Variants in ATXN7L1 observed in about 807,000 individuals in gnomAD.
ATXN7L1 encodes ataxin-7-like protein 1.
A neutral mutation model predicts 70.8 loss-of-function variants in ATXN7L1; 15 were observed. The observed-to-expected ratio is 0.21, with a 90% CI of 0.14 to 0.33. The LOEUF is 0.33. Among genes scored for constraint, ATXN7L1 ranks in the 10% least tolerant of loss-of-function variants. ATXN7L1 has a pLI of 1.00. For synonymous variants in ATXN7L1, 440 were observed against 445.1 expected (o/e 0.99, Z 0.14); for missense variants, 975 against 1,097.1 (o/e 0.89, Z 1.57).
intron 2 of ATXN7L1, among the ~76,000 whole-genome samples, chr7:105,830,518 C>T (rs914379130): frequency 6.6e-6 from 1 of 152,200 alleles, no homozygotes; most frequent in African/African-American, 2.4e-5. Flanking sequence ...ACATACCTAA[C>T]GTGTGATTTG....
Position 105,638,380 on chromosome 7 carries a change from G to C in ATXN7L1, c.1175C>G (p.Ser392Cys), listed in dbSNP as rs1265587703. 2 of 1,552,034 alleles carry C rather than the reference G, an allele frequency of 1.3e-6. No individual in the cohort carries two copies. The highest frequency in any genetic ancestry group is 3.3e-4 in the Middle Eastern group (2 of 5,994). Residue 392 changes from serine (S) to cysteine (C), a missense_variant, in exon 7 of 12, where the codon TCC becomes TGC. Around this residue, in one of 5 missense-constraint regions of ATXN7L1, gnomAD observed 635 missense variants for 699.4 expected, o/e 0.91. Coordinates refer to ENST00000419735, the MANE Select transcript of ATXN7L1 (RefSeq NM_020725.2). ...AGGAAGTACAGAGTTGGGTGGTCTG[G>C]ATTTTGCAGGGGATGCAACTTTTGG... is the stretch of plus-strand genomic sequence containing the variant. ...PEPKVASPAK[S>C]RPPNSVLPRP...
In ATXN7L1 at chr7:105,607,801, G is replaced by A. The variant is rs1438550671; in HGVS notation, c.*51C>T. On this transcript the variant is annotated 3_prime_UTR_variant, in exon 12 of 12. Coordinates refer to ENST00000419735, the MANE Select transcript of ATXN7L1 (RefSeq NM_020725.2). ...CCCTCCTCCTCCCCATGGCCTCCTC[G>A]GATGGGATTAGGTGGCCTGGAATTG... 2.3e-5 allele frequency: 35 copies of A among 1,512,770 alleles called. No homozygotes were observed. The highest frequency in any genetic ancestry group is 1.2e-4 in the East Asian group (5 of 40,768). The allele number at this position is 1,512,770 out of a possible 1,614,324, so 93.7% of individuals were successfully genotyped here. A position where few individuals can be genotyped will look rare whatever the true frequency, so the allele number is the denominator to read the frequency against.
At chr7:105,637,600 G>T (rs1413763079) in intron 7 of ATXN7L1, among the ~76,000 whole-genome samples, 1 of 152,150 alleles carries the variant, frequency 6.6e-6, no homozygotes, top group Non-Finnish European at 1.5e-5. Flanking sequence ...AAATATTTTT[G>T]AATAAGTGGT....
chr7:105,736,256 T>C lies in ATXN7L1; in HGVS notation c.355+52348A>G, dbSNP rs116154192. Among the ~76,000 whole-genome samples, 981 of 152,332 alleles carry C rather than the reference T, an allele frequency of 6.4e-3. 11 individuals carry two copies. Among genetic ancestry groups the C allele is most frequent in the African/African-American group, 0.023 (938 of 41,572 alleles). On this transcript the variant is annotated intron_variant, in intron 3 of 11. Transcript: ENST00000419735. Reference sequence around the variant, plus strand: ...ATGAGGAACAGGGAAGCTGAAAACATAGATTGACTGTGTGCACACATTGCT... The same window carrying C: ...ATGAGGAACAGGGAAGCTGAAAACACAGATTGACTGTGTGCACACATTGCT...
intron 3 of ATXN7L1, among the ~76,000 whole-genome samples, chr7:105,737,137 C>T (rs1584883632): frequency 1.3e-5 from 2 of 152,224 alleles, no homozygotes; most frequent in South Asian, 2.1e-4. Flanking sequence ...AGGTGTTCCA[C>T]CTCTTTGGGG....
rs1166049000 is a variant in ATXN7L1 at position 105,613,965 on chromosome 7, C to T, written c.2369G>A (p.Cys790Tyr). 3 of 1,552,318 alleles carry T rather than the reference C, an allele frequency of 1.9e-6. No individual in the cohort carries two copies. Among genetic ancestry groups the T allele is most frequent in the South Asian group, 1.2e-5 (1 of 84,064 alleles). The part of the protein sequence containing the change: ...RKNSSSSSKA[C>Y]KITKMPGMNS... ...CATACCAGGCATTTTAGTGATTTTA[C>T]AGGCTTTGCTACTAGAACTCGAGTT... The change falls in exon 10 of 12, where the codon TGT becomes TAT. Residue 790 changes from cysteine (C) to tyrosine (Y), a missense_variant. Transcript: ENST00000419735.
chr7:105,657,753 T>A (rs944167911), intron 4 of ATXN7L1, among the ~76,000 whole-genome samples: 28 of 146,210 alleles, frequency 1.9e-4, no homozygotes, highest in Admixed American at 1.0e-3. Flanking sequence ...AAGTGGCTAC[T>A]GTGGCTGTGG....
chr7:105,786,861 C>T (rs147627496), intron 3 of ATXN7L1, among the ~76,000 whole-genome samples: 132 of 152,230 alleles, frequency 8.7e-4, no homozygotes, highest in African/African-American at 3.0e-3. Flanking sequence ...CCCCTTGTTC[C>T]GTGCCTATAA....
intron 9 of ATXN7L1, among the ~76,000 whole-genome samples, chr7:105,618,254 C>T (rs1328465786): frequency 6.6e-6 from 1 of 152,214 alleles, no homozygotes; most frequent in African/African-American, 2.4e-5. Context: ...TCTTGGGGAA[C>T]AAGAGCAGAG....
chr7:105,731,485 A>G (rs1249551332), intron 3 of ATXN7L1, among the ~76,000 whole-genome samples: 1 of 138,720 alleles, frequency 7.2e-6, no homozygotes, highest in Non-Finnish European at 1.5e-5. Flanking sequence ...CCCAGGCTGG[A>G]GTGCAATGGT....
chr7:105,805,368 T>G (rs1807415317), intron 2 of ATXN7L1, among the ~76,000 whole-genome samples: 1 of 152,120 alleles, frequency 6.6e-6, no homozygotes, highest in African/African-American at 2.4e-5. Context: ...ATGCAGGAAG[T>G]TCAGGGGGCT....
chr7:105,620,131 T>C (rs1584337490), intron 9 of ATXN7L1, 69 bp downstream of exon 9: 1 of 1,524,640 alleles, frequency 6.6e-7, no homozygotes, highest in South Asian at 1.2e-5. Context: ...GACATTTATT[T>C]AGAAAGTTAA....
chr7:105,733,533 T>TCCATCCACCCAC (rs1796845506), intron 3 of ATXN7L1, among the ~76,000 whole-genome samples: 1 of 104,188 alleles, frequency 9.6e-6, no homozygotes, highest in Admixed American at 9.1e-5. Flanking sequence ...CATCCATCCA[T>TCCATCCACCCAC]CCATCCACCC....
chr7:105,810,631 CAG>C (rs2116538980), intron 2 of ATXN7L1, among the ~76,000 whole-genome samples: 1 of 152,160 alleles, frequency 6.6e-6, no homozygotes, highest in South Asian at 2.1e-4. Context: ...TGCAAAGGTC[CAG>C]AGAAGGGGAG....
chr7:105,709,213 A>G (rs1268862389), intron 3 of ATXN7L1, among the ~76,000 whole-genome samples: 1 of 152,174 alleles, frequency 6.6e-6, no homozygotes, highest in Non-Finnish European at 1.5e-5. Flanking sequence ...GGGCGCCTAT[A>G]ATCCCAGCTA....
intron 2 of ATXN7L1, among the ~76,000 whole-genome samples, chr7:105,837,632 T>G (rs1336881794): frequency 6.6e-6 from 1 of 151,974 alleles, no homozygotes; most frequent in Non-Finnish European, 1.5e-5. Flanking sequence ...ATCCCCAGAA[T>G]CCACATATGA....
chr7:105,664,583 A>AGTGTG, intron 4 of ATXN7L1, among the ~76,000 whole-genome samples: 1 of 143,540 alleles, frequency 7.0e-6, no homozygotes, highest in East Asian at 2.1e-4. Context: ...GTGTATATAT[A>AGTGTG]TATATTTGAG....
intron 2 of ATXN7L1, among the ~76,000 whole-genome samples, chr7:105,830,123 C>T (rs942819989): frequency 2.0e-5 from 3 of 152,198 alleles, no homozygotes; most frequent in Admixed American, 6.5e-5. Flanking sequence ...GTTATTTATC[C>T]TACTAGGTCA....
chr7:105,836,019 C>G (rs1812320350), intron 2 of ATXN7L1, among the ~76,000 whole-genome samples: 1 of 152,138 alleles, frequency 6.6e-6, no homozygotes, highest in Admixed American at 6.5e-5. Context: ...AACAAGCTTG[C>G]TCTGAGGTGA....
Sources: allele counts gnomAD v4.1 joint callset (sites outside exome capture counted in the v4.1 genomes callset), GRCh38; gene constraint gnomAD v4.1.1; regional missense constraint gnomAD v4.1.1; transcripts MANE v1.5; gene names NCBI Gene and HGNC (gene_info 2026-07-23, HGNC 2026-07-21).